The following RALGPS2 variants were observed in gnomAD, a reference collection of about 807,000 sequenced individuals.
RALGPS2 encodes the protein Ral GEF with PH domain and SH3 binding motif 2, also known as ras-specific guanine nucleotide-releasing factor RalGPS2.
RALGPS2 carries 43 observed loss-of-function variants against 86.8 expected under a neutral mutation model. That is an observed-to-expected ratio of 0.50 (90% CI 0.39 to 0.64). RALGPS2 has a LOEUF of 0.64. RALGPS2 is among the 30% of genes least tolerant of loss of function. RALGPS2 has a pLI of 0.00. For synonymous variants in RALGPS2, 243 were observed against 231.3 expected, an observed-to-expected ratio of 1.05 and a Z score of -0.46; for missense variants, 536 against 694.6, an observed-to-expected ratio of 0.77 and a Z score of 2.57.
intron 6 of RALGPS2, among the ~76,000 whole-genome samples, chr1:178,816,770 G>T (rs530554862): frequency 1.1e-4 from 16 of 149,984 alleles, no homozygotes; most frequent in Non-Finnish European, 5.9e-5. Context: ...GCACAATGGC[G>T]CAATCTCAGC....
intron 8 of RALGPS2, among the ~76,000 whole-genome samples, chr1:178,847,687 G>T (rs976777307): frequency 1.2e-4 from 19 of 152,140 alleles, no homozygotes; most frequent in African/African-American, 4.3e-4. Flanking sequence ...TATTTAAAAT[G>T]TTTTTATGAT....
intron 7 of RALGPS2, among the ~76,000 whole-genome samples, chr1:178,827,392 AT>A (rs748058137): frequency 1.0e-3 from 136 of 131,992 alleles, no homozygotes; most frequent in East Asian, 3.0e-3. Context: ...ATACTCTCTG[AT>A]TTTTTTTTTT....
intron 8 of RALGPS2, among the ~76,000 whole-genome samples, chr1:178,873,537 G>A (rs1166017253): frequency 1.3e-5 from 2 of 152,148 alleles, no homozygotes; most frequent in Non-Finnish European, 2.9e-5. Flanking sequence ...GAAAAATAAT[G>A]TGACACCATC....
chr1:178,774,792 G>A (rs947576899), intron 1 of RALGPS2, among the ~76,000 whole-genome samples: 2 of 152,160 alleles, frequency 1.3e-5, no homozygotes, highest in Non-Finnish European at 2.9e-5. Flanking sequence ...CTAGCACGAT[G>A]TTCTGCTCTT....
Position 178,892,255 on chromosome 1 carries a change from C to T in RALGPS2, c.1273C>T (p.Pro425Ser). The T allele has an allele frequency of 6.2e-7, 1 of 1,612,526 alleles. No individual in the cohort carries two copies. The highest frequency in any genetic ancestry group is 8.5e-7 in the Non-Finnish European group (1 of 1,179,028). Reference sequence around the variant, plus strand: ...GAACAGATTATACCATTCTCTCGGCCCGGTGACAAGAGTGGCACGAAATGG... The same window carrying T: ...GAACAGATTATACCATTCTCTCGGCTCGGTGACAAGAGTGGCACGAAATGG... ...ERNRLYHSLG[P>S]VTRVARNGYR... The change falls in exon 15 of 20, where the codon CCG becomes TCG. Residue 425 changes from proline (P) to serine (S), a missense_variant. Physicochemically the swap from Pro to Ser is moderately conservative, Grantham distance 74. Around this residue, in one of 3 missense-constraint regions of RALGPS2, gnomAD observed 309 missense variants for 363.0 expected, o/e 0.85. Transcript: ENST00000367635.
intron 8 of RALGPS2, among the ~76,000 whole-genome samples, chr1:178,862,629 A>G (rs78570497): frequency 2.3e-4 from 32 of 140,194 alleles, no homozygotes; most frequent in African/African-American, 6.3e-4. Flanking sequence ...TTATTTATTT[A>G]TTTGGTTGGT....
chr1:178,796,956 G>A (rs1654222023), intron 4 of RALGPS2, among the ~76,000 whole-genome samples: 2 of 151,970 alleles, frequency 1.3e-5, no homozygotes, highest in Non-Finnish European at 2.9e-5. Context: ...TCTTTACTAC[G>A]TGATTTTAAA....
rs1049822990 is a variant in RALGPS2 at position 178,920,279 on chromosome 1, T to C, written c.*3920T>C. 3.3e-5 allele frequency: 5 copies of C among 151,998 alleles called. No homozygotes were observed. Among genetic ancestry groups the C allele is most frequent in the Non-Finnish European group, 7.4e-5 (5 of 67,884 alleles). 9.4% of individuals were successfully genotyped at this position (151,998 alleles called of 1,614,324 possible). ...TTTTTCCCTATTTGGAGGGTTCTAA[T>C]GAAAGAGATCCAGGCATAAAAACTC... On this transcript the variant is annotated 3_prime_UTR_variant, in exon 20 of 20. Transcript: ENST00000367635.
intron 4 of RALGPS2, among the ~76,000 whole-genome samples, chr1:178,796,348 ATAG>A (rs1034279127): frequency 6.6e-6 from 1 of 152,208 alleles, no homozygotes. Flanking sequence ...AGATATAGGA[ATAG>A]TAGTGAGCAC....
At chr1:178,872,012 ACTTAG>A (rs1297798345) in intron 8 of RALGPS2, among the ~76,000 whole-genome samples, 1 of 152,256 alleles carries the variant, frequency 6.6e-6, no homozygotes, top group African/African-American at 2.4e-5. Flanking sequence ...GGCTTAAGTA[ACTTAG>A]CTTAGCACTT....
In RALGPS2 at chr1:178,921,774, C is replaced by T. The variant is rs1558188021; in HGVS notation, c.*5415C>T. On this transcript the variant is annotated 3_prime_UTR_variant, in exon 20 of 20. Transcript: ENST00000367635. ...GCGATCTTCAGTGTGTCTGCATAAG[C>T]TAACTTAAGATGAATTTAAGTACAG... The T allele has an allele frequency of 6.6e-6, 1 of 151,940 alleles. No individual in the cohort carries two copies. The highest frequency in any genetic ancestry group is 1.5e-5 in the Non-Finnish European group (1 of 67,942). 9.4% of individuals were successfully genotyped at this position (151,940 alleles called of 1,614,324 possible). A position where few individuals can be genotyped will look rare whatever the true frequency, so the allele number is the denominator to read the frequency against.
At chr1:178,826,986 T>G (rs2102235950) in intron 7 of RALGPS2, among the ~76,000 whole-genome samples, 1 of 152,326 alleles carries the variant, frequency 6.6e-6, no homozygotes, top group East Asian at 1.9e-4. Context: ...ATAAACTGAA[T>G]GTTACTAAAT....
chr1:178,837,276 T>A (rs1656327776), intron 8 of RALGPS2, among the ~76,000 whole-genome samples: 1 of 152,200 alleles, frequency 6.6e-6, no homozygotes, highest in South Asian at 2.1e-4. Flanking sequence ...AAAATACTGA[T>A]TCATTAAGTG....
chr1:178,794,998 G>A (rs1424114489), intron 4 of RALGPS2, among the ~76,000 whole-genome samples: 2 of 151,976 alleles, frequency 1.3e-5, no homozygotes, highest in Non-Finnish European at 2.9e-5. Context: ...TGGCCAACAT[G>A]GAAAAACCCC....
chr1:178,807,486 TA>T (rs1189258507), intron 4 of RALGPS2, among the ~76,000 whole-genome samples: 1 of 152,224 alleles, frequency 6.6e-6, no homozygotes, highest in African/African-American at 2.4e-5. Context: ...CTGTAATCTG[TA>T]GCCTACATTT....
intron 1 of RALGPS2, among the ~76,000 whole-genome samples, chr1:178,768,295 T>C (rs548520574): frequency 1.3e-5 from 2 of 152,242 alleles, no homozygotes; most frequent in East Asian, 3.9e-4. Context: ...TTCCTTCTCA[T>C]CTGGAGACAT....
chr1:178,751,637 C>T lies in RALGPS2; in HGVS notation c.-83-25045C>T, dbSNP rs1651663409. Among the ~76,000 whole-genome samples, 7 of 152,088 alleles carry T rather than the reference C, an allele frequency of 4.6e-5. No individual in the cohort carries two copies. The South Asian group carries it at 1.2e-3, about 27-fold the overall frequency. ...CAGTGTTTCAATCTCTGTAACACCTCAATACTTATACAGGAAATTCCCTTC... is the reference window on the plus strand; with the variant it reads ...CAGTGTTTCAATCTCTGTAACACCTTAATACTTATACAGGAAATTCCCTTC... On this transcript the variant is annotated intron_variant, in intron 1 of 19. Transcript: ENST00000367635.
chr1:178,831,438 A>G (rs1656012924), intron 7 of RALGPS2, among the ~76,000 whole-genome samples: 1 of 152,122 alleles, frequency 6.6e-6, no homozygotes, highest in Non-Finnish European at 1.5e-5. Context: ...GCATTCATCT[A>G]GGTTTTCCCC....
At chr1:178,831,707 G>A (rs866395021) in intron 7 of RALGPS2, among the ~76,000 whole-genome samples, 46 of 124,476 alleles carry the variant, frequency 3.7e-4, no homozygotes, top group Middle Eastern at 6.5e-3. Context: ...AATATCAAAA[G>A]AAGATTTGAA....
Sources: allele counts gnomAD v4.1 joint callset (sites outside exome capture counted in the v4.1 genomes callset), GRCh38; gene constraint gnomAD v4.1.1; regional missense constraint gnomAD v4.1.1; transcripts MANE v1.5; gene names NCBI Gene and HGNC (gene_info 2026-07-23, HGNC 2026-07-21).